Variants in APOB observed in about 807,000 individuals in gnomAD.
APOB encodes apolipoprotein B-100.
APOB carries 153 observed loss-of-function variants against 314.1 expected under a neutral mutation model. That is an observed-to-expected ratio of 0.49 (90% CI 0.43 to 0.56). The LOEUF (loss-of-function observed/expected upper bound fraction) is 0.56, where lower values mean the gene tolerates loss of function less well. APOB is among the 20% of genes least tolerant of loss of function. APOB has a pLI of 0.00. For synonymous variants in APOB, 2,087 were observed against 2,036.4 expected, an observed-to-expected ratio of 1.02 and a Z score of -0.67; for missense variants, 5,430 against 5,350.7, an observed-to-expected ratio of 1.01 and a Z score of -0.46.
chr2:21,014,617 A>G (rs1289751283), intron 23 of APOB, 24 bp from the exon 24 acceptor site: 1 of 1,613,806 alleles, frequency 6.2e-7, no homozygotes, highest in Admixed American at 1.7e-5. Flanking sequence ...GGAGATTTTT[A>G]AGGTAATGGG....
chr2:21,016,995 A>AAAAAAT (rs771045012), intron 20 of APOB, among the ~76,000 whole-genome samples: 5 of 135,966 alleles, frequency 3.7e-5, no homozygotes, highest in East Asian at 2.0e-4. Context: ...AAAAATAAAT[A>AAAAAAT]AATAAATAAA....
In APOB at chr2:21,022,978, A is replaced by G. The variant is rs1558570136; in HGVS notation, c.2669T>C (p.Ile890Thr). The G allele has an allele frequency of 6.2e-7, 1 of 1,614,214 alleles. No homozygotes were observed. Among genetic ancestry groups the G allele is most frequent in the Admixed American group, 1.7e-5 (1 of 60,020 alleles). The change falls in exon 18 of 29, where the codon ATC (isoleucine) becomes ACC (threonine). Residue 890 changes from isoleucine (I) to threonine (T), a missense_variant. Physicochemically the swap from Ile to Thr is moderately conservative, Grantham distance 89. This residue lies in a region of APOB where 2,085 missense variants were observed against 2,079.7 expected (regional missense o/e 1.00). Transcript: ENST00000233242. ...CCCACTCCTAGCGAAGTCCGGAATG[A>G]TGATGCCCATATTTGTCACAAACTC... Reference protein sequence around the residue: ...SVEFVTNMGIIIPDFARSGVQ... With the variant: ...SVEFVTNMGITIPDFARSGVQ...
chr2:21,032,138 T>C (rs1663896375), intron 10 of APOB, among the ~76,000 whole-genome samples: 1 of 152,230 alleles, frequency 6.6e-6, no homozygotes, highest in Non-Finnish European at 1.5e-5. Context: ...TCAAAAACTT[T>C]TATAATATAA....
intron 3 of APOB, among the ~76,000 whole-genome samples, chr2:21,042,124 A>G (rs1338838446): frequency 6.6e-6 from 1 of 152,186 alleles, no homozygotes; most frequent in Non-Finnish European, 1.5e-5. Flanking sequence ...CTGGGAAGTT[A>G]ACGGGAAAAT....
chr2:21,029,813 C>G, intron 11 of APOB, 28 bp from the exon 12 acceptor site: 1 of 1,613,766 alleles, frequency 6.2e-7, no homozygotes, highest in Non-Finnish European at 8.5e-7. Context: ...AACAAGAACC[C>G]ATCAGGGTGC....
At position 21,012,515 on chromosome 2, in the gene APOB, A is replaced by G; in HGVS notation, c.4353T>C (p.Gly1451=). The change falls in exon 26 of 29, where the codon GGT becomes GGC. Residue 1451 remains glycine (G), a synonymous_variant. Transcript: ENST00000233242. Reference sequence around the variant, plus strand: ...AACTAGATGCATCGAATATTAGTAAACCTTTTGAGACTGGGTTGTTTCCAA... The same window carrying G: ...AACTAGATGCATCGAATATTAGTAAGCCTTTTGAGACTGGGTTGTTTCCAA... The part of the protein sequence containing the change: ...EKLGNNPVSK[G]LLIFDASSSW... The G allele has an allele frequency of 6.2e-7, 1 of 1,614,162 alleles. No individual in the cohort carries two copies. Among genetic ancestry groups the G allele is most frequent in the African/African-American group, 1.3e-5 (1 of 75,028 alleles).
At position 21,035,577 on chromosome 2, in the gene APOB, G is replaced by A. The variant is rs557846568; in HGVS notation, c.818+7C>T. 1.7e-5 allele frequency: 28 copies of A among 1,614,010 alleles called. No individual in the cohort carries two copies. The East Asian group carries it at 5.8e-4, about 33-fold the overall frequency. On this transcript the variant is annotated splice_region_variant and intron_variant, in intron 7 of 28. Transcript: ENST00000233242. ...ATGACAAATCAGGGGTGCATCACAT[G>A]ACCTACTTGTAGGAGAAAGGCAGGA...
At position 21,027,020 on chromosome 2, in the gene APOB, C is replaced by T. The variant is rs1250460880; in HGVS notation, c.2068-56G>A. The T allele has an allele frequency of 6.0e-6, 9 of 1,502,122 alleles. No homozygotes were observed. In the African/African-American group the frequency reaches 1.2e-4, roughly 21 times the overall value. 93.0% of individuals were successfully genotyped at this position (1,502,122 alleles called of 1,614,324 possible). A position where few individuals can be genotyped will look rare whatever the true frequency, so the allele number is the denominator to read the frequency against. On this transcript the variant is annotated intron_variant, in intron 14 of 28. Coordinates refer to ENST00000233242, the MANE Select transcript of APOB (RefSeq NM_000384.3). ...ATCAGGTTTCTTTGTTGTATGCCAG[C>T]CTAGTAGTCCCCACTCTTGATGTCC...
intron 20 of APOB, among the ~76,000 whole-genome samples, chr2:21,018,363 G>T (rs976762240): frequency 8.5e-5 from 13 of 152,178 alleles, no homozygotes; most frequent in Non-Finnish European, 1.9e-4. Context: ...AAAAGCCAAA[G>T]TTCTTACCAT....
At chr2:21,036,424 A>G (rs1572801095) in intron 6 of APOB, among the ~76,000 whole-genome samples, 2 of 152,356 alleles carry the variant, frequency 1.3e-5, no homozygotes, top group Admixed American at 1.3e-4. Flanking sequence ...AGCGCCCAGC[A>G]TGACAGTGAT....
chr2:21,037,652 C>T (rs1165352276), intron 5 of APOB, among the ~76,000 whole-genome samples: 2 of 106 alleles, frequency 0.019, no homozygotes, highest in Non-Finnish European at 0.053. Flanking sequence ...ACAGGATTTA[C>T]TGTGTACACC....
At position 21,032,462 on chromosome 2, in the gene APOB, A is replaced by G. The variant is rs1300589477; in HGVS notation, c.1244T>C (p.Val415Ala). ...PLLIDVVTYL[V>A]ALIPEPSAQQ... ...TGCTGAGGGCTCGGGGATCAGGGCC[A>G]CCAGGTAGGTGACCACATCTATCAG... Residue 415 changes from valine to alanine, a missense_variant, in exon 10 of 29, where the codon GTG becomes GCG. Physicochemically the swap from Val to Ala is moderately conservative, Grantham distance 64. Coordinates refer to ENST00000233242, the MANE Select transcript of APOB (RefSeq NM_000384.3). The G allele has an allele frequency of 6.2e-7, 1 of 1,614,178 alleles. No homozygotes were observed. Among genetic ancestry groups the G allele is most frequent in the Admixed American group, 1.7e-5 (1 of 60,016 alleles).
chr2:21,022,750 G>T, intron 18 of APOB, 81 bp downstream of exon 18: 1 of 1,357,448 alleles, frequency 7.4e-7, no homozygotes, highest in Non-Finnish European at 1.0e-6. Flanking sequence ...TCAATCAACT[G>T]TTTAGCCTGG....
chr2:21,039,126 A>C (rs12720796), intron 4 of APOB, among the ~76,000 whole-genome samples: 1,872 of 152,340 alleles, frequency 0.012, 19 homozygotes, highest in Non-Finnish European at 0.019. Flanking sequence ...CCCAAAGACT[A>C]AAATATCTGT....
At chr2:21,024,840 G>T in intron 16 of APOB, 93 bp downstream of exon 16, 1 of 1,334,360 alleles carries the variant, frequency 7.5e-7, no homozygotes, top group Non-Finnish European at 1.1e-6. Flanking sequence ...ATCTTTTCGG[G>T]CTTGTGCAGC....
At position 21,009,935 on chromosome 2, in the gene APOB, A is replaced by G. The variant is rs772512419; in HGVS notation, c.6933T>C (p.Asn2311=). ...AGTGTTTGACATGCTCAAGAATGTCATTTATTCTTTCAAATGAAATTGTAG... is the reference window on the plus strand; with the variant it reads ...AGTGTTTGACATGCTCAAGAATGTCGTTTATTCTTTCAAATGAAATTGTAG... The part of the protein sequence containing the change: ...LGTTISFERI[N]DILEHVKHFV... Residue 2311 remains asparagine, a synonymous_variant, in exon 26 of 29, where the codon AAT becomes AAC. Transcript: ENST00000233242. The G allele has an allele frequency of 5.0e-6, 8 of 1,613,814 alleles. No individual in the cohort carries two copies. The South Asian group carries it at 5.5e-5, about 11-fold the overall frequency.
In APOB at chr2:21,006,497, G is replaced by A. The variant is rs139891446; in HGVS notation, c.10371C>T (p.Ser3457=). Residue 3457 remains serine (S), a synonymous_variant, in exon 26 of 29, where the codon TCC becomes TCT. Transcript: ENST00000233242. ...NTKSKPTVSS[S]MEFKYDFNSS... ...AATTGAAATCATACTTAAATTCCAT[G>A]GAGGAAGAGACAGTAGGTTTTGACT... 1.7e-4 allele frequency: 278 copies of A among 1,613,992 alleles called. No homozygotes were observed. Among genetic ancestry groups the A allele is most frequent in the Non-Finnish European group, 2.3e-4 (270 of 1,179,952 alleles).
At chr2:21,017,110 AAC>A in intron 20 of APOB, among the ~76,000 whole-genome samples, 1 of 152,260 alleles carries the variant, frequency 6.6e-6, no homozygotes, top group African/African-American at 2.4e-5. Context: ...AATGTGCTTA[AAC>A]AAAAACACAG....
At chr2:21,038,760 A>G (rs1290926926) in intron 4 of APOB, among the ~76,000 whole-genome samples, 1 of 152,200 alleles carries the variant, frequency 6.6e-6, no homozygotes, top group Non-Finnish European at 1.5e-5. Context: ...GCACACTCAT[A>G]CAATCCTCTG....
Sources: allele counts gnomAD v4.1 joint callset (sites outside exome capture counted in the v4.1 genomes callset), GRCh38; gene constraint gnomAD v4.1.1; regional missense constraint gnomAD v4.1.1; transcripts MANE v1.5; gene names NCBI Gene and HGNC (gene_info 2026-07-23, HGNC 2026-07-21).